CFAP77: variants seen among roughly 807,000 people sequenced by gnomAD.
CFAP77 encodes cilia- and flagella-associated protein 77.
In CFAP77, 25 loss-of-function variants were observed where a neutral mutation model predicts 31.1. The observed-to-expected ratio is 0.80, with a 90% confidence interval of 0.59 to 1.12. The LOEUF (loss-of-function observed/expected upper bound fraction) is 1.12, where lower values mean the gene tolerates loss of function less well. Ranked by LOEUF, CFAP77 falls within the 50% of genes most tolerant of loss-of-function variation. CFAP77 has a pLI of 0.00. For synonymous variants in CFAP77, 151 were observed against 159.9 expected, an observed-to-expected ratio of 0.94 and a Z score of 0.42; for missense variants, 377 against 397.3, an observed-to-expected ratio of 0.95 and a Z score of 0.44.
At position 132,511,026 on chromosome 9, in the gene CFAP77, C is replaced by T. The variant is rs145087196; in HGVS notation, c.524+11426C>T. Reference sequence around the variant, plus strand: ...TCTCAGAACCCACATTCGTTACCTCCGGCCTATGCTGAGAGTTCATTTAGT... The same window carrying T: ...TCTCAGAACCCACATTCGTTACCTCTGGCCTATGCTGAGAGTTCATTTAGT... On this transcript the variant is annotated intron_variant, in intron 3 of 5. Coordinates refer to ENST00000393216, the MANE Select transcript of CFAP77 (RefSeq NM_001282957.2). The surrounding 1 kb of genome is among the most constrained non-coding windows in gnomAD (Gnocchi z 5.8). Among the ~76,000 whole-genome samples the T allele has an allele frequency of 2.6e-5, 4 of 152,284 alleles. No homozygotes were observed. The highest frequency in any genetic ancestry group is 2.0e-4 in the Admixed American group (3 of 15,290).
chr9:132,485,090 G>A (rs1489169662), intron 1 of CFAP77, among the ~76,000 whole-genome samples: 3 of 152,114 alleles, frequency 2.0e-5, no homozygotes, highest in Admixed American at 2.0e-4. Context: ...CACGGCACCT[G>A]GCCCTCATCT....
intron 3 of CFAP77, among the ~76,000 whole-genome samples, chr9:132,533,549 T>C (rs1251038130): frequency 6.6e-6 from 1 of 152,176 alleles, no homozygotes; most frequent in Admixed American, 6.5e-5. Context: ...TCACGTTATA[T>C]TAGGTTGGTA....
At position 132,490,879 on chromosome 9, in the gene CFAP77, C is replaced by T. The variant is rs928743969; in HGVS notation, c.196-7816C>T. ...CCGGCCGGGGCCACTGTCTGCATGG[C>T]GTCTGCGTGTTCTCCCCGTGTCTGT... On this transcript the variant is annotated intron_variant, in intron 1 of 5. Transcript: ENST00000393216. The surrounding 1 kb of genome is among the most constrained non-coding windows in gnomAD (Gnocchi z 4.6). Among the ~76,000 whole-genome samples, 3 of 152,196 alleles carry T rather than the reference C, an allele frequency of 2.0e-5. No individual in the cohort carries two copies. Among genetic ancestry groups the T allele is most frequent in the African/African-American group, 4.8e-5 (2 of 41,448 alleles).
At chr9:132,476,001 G>C (rs1171840263) in intron 1 of CFAP77, among the ~76,000 whole-genome samples, 1 of 152,226 alleles carries the variant, frequency 6.6e-6, no homozygotes, top group Non-Finnish European at 1.5e-5. Context: ...TTCTGTCCAG[G>C]CTTTTCTGCC....
chr9:132,464,823 G>A (rs921472907), intron 1 of CFAP77, among the ~76,000 whole-genome samples: 1 of 152,130 alleles, frequency 6.6e-6, no homozygotes, highest in Admixed American at 6.5e-5. Flanking sequence ...CGGGCGCAGT[G>A]GCTCATGCCT....
chr9:132,561,853 GA>G, intron 5 of CFAP77, among the ~76,000 whole-genome samples: 1 of 152,326 alleles, frequency 6.6e-6, no homozygotes, highest in East Asian at 1.9e-4. Flanking sequence ...AGGAAAGAGG[GA>G]AGGGGAAGAA....
chr9:132,541,073 C>T (rs1379412261), intron 4 of CFAP77, among the ~76,000 whole-genome samples: 2 of 152,168 alleles, frequency 1.3e-5, no homozygotes, highest in East Asian at 1.9e-4. Context: ...GACAATTTAC[C>T]GGACTTGCTT....
intron 3 of CFAP77, among the ~76,000 whole-genome samples, chr9:132,514,846 C>T (rs1242873647): frequency 6.6e-6 from 1 of 152,158 alleles, no homozygotes; most frequent in African/African-American, 2.4e-5. Context: ...TCAGTTCCAC[C>T]CCTCTTCCTA....
At chr9:132,479,512 A>G (rs1851410861) in intron 1 of CFAP77, among the ~76,000 whole-genome samples, 1 of 151,910 alleles carries the variant, frequency 6.6e-6, no homozygotes, top group Non-Finnish European at 1.5e-5. Context: ...TTCTTGAAAT[A>G]CTCTTCATTC....
At chr9:132,553,814 T>G (rs1705509262) in intron 5 of CFAP77, among the ~76,000 whole-genome samples, 1 of 152,270 alleles carries the variant, frequency 6.6e-6, no homozygotes, top group South Asian at 2.1e-4. Context: ...CAAGCTGCAC[T>G]GCATTTCTAT....
chr9:132,485,171 A>G (rs1488072371), intron 1 of CFAP77, among the ~76,000 whole-genome samples: 2 of 152,176 alleles, frequency 1.3e-5, no homozygotes, highest in African/African-American at 4.8e-5. Context: ...ACAAATGGAG[A>G]CGGAGCTGCT....
At chr9:132,452,178 C>CTCCCACA (rs1850839822) in intron 1 of CFAP77, among the ~76,000 whole-genome samples, 1 of 152,178 alleles carries the variant, frequency 6.6e-6, no homozygotes, top group African/African-American at 2.4e-5. Flanking sequence ...TTGCTGTCTG[C>CTCCCACA]AGGGTGGGTC....
intron 1 of CFAP77, among the ~76,000 whole-genome samples, chr9:132,433,450 C>T (rs548763937): frequency 9.4e-4 from 143 of 152,306 alleles, no homozygotes; most frequent in Middle Eastern, 6.8e-3. Flanking sequence ...ATGGCATAAA[C>T]TAGCCACCTG....
At chr9:132,471,843 G>A (rs1380878306) in intron 1 of CFAP77, among the ~76,000 whole-genome samples, 1 of 152,102 alleles carries the variant, frequency 6.6e-6, no homozygotes, top group East Asian at 1.9e-4. Flanking sequence ...TAGGACTATA[G>A]GCATGTGCCT....
chr9:132,467,818 G>A (rs1311593270), intron 1 of CFAP77, among the ~76,000 whole-genome samples: 2 of 152,108 alleles, frequency 1.3e-5, no homozygotes, highest in Non-Finnish European at 2.9e-5. Flanking sequence ...CACCAATGGT[G>A]CACAAGGGTT....
rs770355562 is a variant in CFAP77 at position 132,549,293 on chromosome 9, C to T, written c.732+6246C>T. Among the ~76,000 whole-genome samples the T allele has an allele frequency of 1.1e-4, 17 of 152,340 alleles. No individual in the cohort carries two copies. The South Asian group carries it at 2.7e-3, about 24-fold the overall frequency. ...GGAAGGACAGATGCCAGATCTACGG[C>T]CCCTCCCAAGGGTCTCTGCACCAGT... On this transcript the variant is annotated intron_variant, in intron 5 of 5. Coordinates refer to ENST00000393216, the MANE Select transcript of CFAP77 (RefSeq NM_001282957.2).
At position 132,424,776 on chromosome 9, in the gene CFAP77, C is replaced by G. The variant is rs1484331708; in HGVS notation, c.195+14310C>G. On this transcript the variant is annotated intron_variant, in intron 1 of 5. Coordinates refer to ENST00000393216, the MANE Select transcript of CFAP77 (RefSeq NM_001282957.2). The surrounding 1 kb of genome is among the most constrained non-coding windows in gnomAD (Gnocchi z 4.1). ...TATTCCAAACGTGCGCATCTGCCGG[C>G]CAGGGAGCCAGGATGGCTGGGGGCA... Among the ~76,000 whole-genome samples the G allele has an allele frequency of 6.6e-6, 1 of 152,216 alleles. No homozygotes were observed. The highest frequency in any genetic ancestry group is 6.5e-5 in the Admixed American group (1 of 15,282).
rs1401135319 is a variant in CFAP77 at position 132,572,260 on chromosome 9, CT to C, written c.733-126del. 6.2e-6 allele frequency: 7 copies of C among 1,126,074 alleles called. No homozygotes were observed. In the African/African-American group the frequency reaches 1.1e-4, roughly 18 times the overall value. The allele number at this position is 1,126,074 out of a possible 1,614,324, so 69.8% of individuals were successfully genotyped here. A position where few individuals can be genotyped will look rare whatever the true frequency, so the allele number is the denominator to read the frequency against. On this transcript the variant is annotated intron_variant, in intron 5 of 5. Coordinates refer to ENST00000393216, the MANE Select transcript of CFAP77 (RefSeq NM_001282957.2). ...AGGAGGCTCACAGCACTTGCTGTGA[CT>C]TCCTCCCTCTTACAGCTATTTTTAT... is the stretch of plus-strand genomic sequence containing the variant.
intron 5 of CFAP77, among the ~76,000 whole-genome samples, chr9:132,559,213 C>T (rs1427727194): frequency 3.3e-5 from 5 of 151,288 alleles, no homozygotes; most frequent in East Asian, 1.9e-4. Context: ...GGTGTGGTGG[C>T]GGGCATCTGT....
Sources: gnomAD v4.1 joint callset for allele counts (sites outside exome capture counted in the v4.1 genomes callset) on GRCh38, gnomAD v4.1.1 for gene constraint, Gnocchi (gnomAD v3.1) non-coding constraint, MANE v1.5 for transcripts, NCBI Gene and HGNC (gene_info 2026-07-23, HGNC 2026-07-21) for gene names.